The following SEC14L1 variants were observed in gnomAD, a reference collection of about 807,000 sequenced individuals.
The protein encoded by SEC14L1 is SEC14 like lipid binding 1.
SEC14L1 carries 48 observed loss-of-function variants against 85.3 expected under a neutral mutation model. The observed-to-expected ratio is 0.56, with a 90% CI of 0.45 to 0.72. SEC14L1 has a LOEUF of 0.72. SEC14L1 is among the 30% of genes least tolerant of loss of function. SEC14L1 has a pLI of 0.00. For missense variants in SEC14L1, 682 were observed against 921.4 expected (o/e 0.74, Z 3.36); for synonymous variants, 391 against 355.5 (o/e 1.10, Z -1.12).
chr17:77,210,167 G>A (rs1976676023), intron 14 of SEC14L1: 1 of 152,292 alleles, frequency 6.6e-6, no homozygotes, highest in Non-Finnish European at 1.5e-5. Context: ...TCTTGGCTGG[G>A]TTTTGGTTAT....
rs191686849 is a variant in SEC14L1, at chr17:77,098,360, G to A, written c.-136+5013G>A. 2.4e-3 allele frequency among the ~76,000 whole-genome samples: 370 copies of A among 152,134 alleles called. 8 individuals carry two copies. The highest frequency in any genetic ancestry group is 1.1e-3 in the African/African-American group (44 of 41,510). The stretch of plus-strand genomic sequence containing the variant: ...CTAAAAATACAAAAATTAGTCAGGC[G>A]TGGTGGTGCATACCTGTAATCCCAG... On this transcript the variant is annotated intron_variant, in intron 3 of 19. Transcript: ENST00000392476.
chr17:77,175,941 T>C (rs564223036), intron 3 of SEC14L1, among the ~76,000 whole-genome samples: 1 of 152,160 alleles, frequency 6.6e-6, no homozygotes, highest in South Asian at 2.1e-4. Context: ...TTTGTGAGTA[T>C]GCAAAAAAGG....
chr17:77,200,639 T>C lies in SEC14L1; in HGVS notation c.975T>C (p.Asp325=). The change falls in exon 9 of 17, where the codon GAT becomes GAC. Residue 325 remains aspartate (D), a synonymous_variant. Coordinates refer to ENST00000436233, the MANE Select transcript of SEC14L1 (RefSeq NM_001143998.2). Reference sequence around the variant, plus strand: ...GGACCCCTCCTCAGGTCCTTCAGGATTACTACGCGGGAGGCTGGCATCATC... The same window carrying C: ...GGACCCCTCCTCAGGTCCTTCAGGACTACTACGCGGGAGGCTGGCATCATC... ...ETWTPPQVLQ[D]YYAGGWHHHD... is the part of the protein sequence containing the mutation. 1 of 1,613,936 alleles carries C rather than the reference T, an allele frequency of 6.2e-7. No individual in the cohort carries two copies. The highest frequency in any genetic ancestry group is 1.1e-5 in the South Asian group (1 of 91,014).
At chr17:77,181,127 A>T (rs1275219935) in intron 3 of SEC14L1, 1 of 152,214 alleles carries the variant, frequency 6.6e-6, no homozygotes, top group Non-Finnish European at 1.5e-5. Flanking sequence ...CCAGCGTCTG[A>T]GGAAACTGAT....
intron 3 of SEC14L1, among the ~76,000 whole-genome samples, chr17:77,117,596 A>T (rs1356670770): frequency 6.6e-6 from 1 of 152,150 alleles, no homozygotes; most frequent in Non-Finnish European, 1.5e-5. Context: ...AATTTTCCCC[A>T]TGGAGTTGGC....
rs139173686 is a variant in SEC14L1, at chr17:77,110,656, G to A, written c.-136+17309G>A. ...AGCACTTTGGGAGGCTGAGGTGGGT[G>A]GATCATGAGGTCAGGAGATTGAGAC... On this transcript the variant is annotated intron_variant, in intron 3 of 19. Transcript: ENST00000392476. Among the ~76,000 whole-genome samples the A allele has an allele frequency of 3.8e-3, 583 of 151,906 alleles. 7 individuals are homozygous for A. Among genetic ancestry groups the A allele is most frequent in the African/African-American group, 0.014 (563 of 41,402 alleles).
chr17:77,189,919 C>T (rs11656875), intron 3 of SEC14L1, among the ~76,000 whole-genome samples: 3,002 of 152,310 alleles, frequency 0.02, 39 homozygotes, highest in Non-Finnish European at 0.031. Context: ...TGAGCCACCG[C>T]GCCCGGCCTT....
At chr17:77,211,806 A>G (rs1976764307) in intron 14 of SEC14L1, 144 bp from the exon 15 acceptor site, 2 of 1,019,922 alleles carry the variant, frequency 2.0e-6, no homozygotes, top group Non-Finnish European at 2.9e-6. Flanking sequence ...GACTCTGGGG[A>G]AAGAGATCCG....
At chr17:77,134,354 A>T in intron 3 of SEC14L1, among the ~76,000 whole-genome samples, 1 of 151,450 alleles carries the variant, frequency 6.6e-6, no homozygotes, top group Non-Finnish European at 1.5e-5. Context: ...GGTTCAAGTG[A>T]TCCTACTGGC....
At chr17:77,171,252 A>G (rs1598340024) in intron 3 of SEC14L1, among the ~76,000 whole-genome samples, 1 of 152,314 alleles carries the variant, frequency 6.6e-6, no homozygotes, top group South Asian at 2.1e-4. Context: ...TTGAGACAAC[A>G]TCCCTCTTAT....
intron 3 of SEC14L1, among the ~76,000 whole-genome samples, chr17:77,117,130 G>A (rs147424810): frequency 3.9e-5 from 6 of 152,120 alleles, no homozygotes; most frequent in Non-Finnish European, 5.9e-5. Context: ...GGTGGATCAC[G>A]TGAGGTCAGG....
Position 77,194,766 on chromosome 17 carries a change from C to T in SEC14L1, c.564C>T (p.Thr188=). 10 of 1,614,216 alleles carry T rather than the reference C, an allele frequency of 6.2e-6. No homozygotes were observed. The highest frequency in any genetic ancestry group is 8.5e-6 in the Non-Finnish European group (10 of 1,180,020). ...GTTGGAGTCCGCCTTCCATCACGAC[C>T]TCTTCAGAGACATCTTCATCATCCT... is the stretch of plus-strand genomic sequence containing the variant. ...VPRWSPPSIT[T]SSETSSSSSK... The change falls in exon 7 of 17, where the codon ACC becomes ACT. Residue 188 remains threonine, a synonymous_variant. Coordinates refer to ENST00000436233, the MANE Select transcript of SEC14L1 (RefSeq NM_001143998.2).
chr17:77,095,425 G>C (rs887267534), intron 3 of SEC14L1, among the ~76,000 whole-genome samples: 2 of 152,064 alleles, frequency 1.3e-5, no homozygotes, highest in Non-Finnish European at 2.9e-5. Context: ...CCACCTTCAG[G>C]GTGCCACCTT....
chr17:77,193,136 G>A (rs748353230), intron 5 of SEC14L1, among the ~76,000 whole-genome samples: 2 of 152,236 alleles, frequency 1.3e-5, no homozygotes, highest in Non-Finnish European at 1.5e-5. Context: ...TGTTCAGTGA[G>A]TATGTTGAAT....
At chr17:77,178,921 C>T (rs868664721) in intron 3 of SEC14L1, among the ~76,000 whole-genome samples, 2 of 152,164 alleles carry the variant, frequency 1.3e-5, no homozygotes, top group African/African-American at 4.8e-5. Flanking sequence ...CACAGATGGT[C>T]GCTGGATGTA....
chr17:77,175,440 A>C (rs1974710137), intron 3 of SEC14L1, among the ~76,000 whole-genome samples: 1 of 152,250 alleles, frequency 6.6e-6, no homozygotes, highest in East Asian at 1.9e-4. Context: ...ACAGTTAATT[A>C]AATCGTTACA....
At chr17:77,106,656 C>G (rs950593666) in intron 3 of SEC14L1, among the ~76,000 whole-genome samples, 2 of 151,500 alleles carry the variant, frequency 1.3e-5, no homozygotes, top group African/African-American at 4.9e-5. Flanking sequence ...CACAGCGAGA[C>G]TCCATCTCAA....
At chr17:77,175,809 G>A (rs1299599566) in intron 3 of SEC14L1, among the ~76,000 whole-genome samples, 2 of 152,122 alleles carry the variant, frequency 1.3e-5, no homozygotes, top group Non-Finnish European at 2.9e-5. Flanking sequence ...GGACAAATCA[G>A]CCTAATACAG....
intron 8 of SEC14L1, among the ~76,000 whole-genome samples, chr17:77,200,278 G>A (rs1017668913): frequency 1.3e-5 from 2 of 151,922 alleles, no homozygotes; most frequent in Admixed American, 1.3e-4. Context: ...CAAGTGATCC[G>A]CCTGCTTCAG....
Sources: gnomAD v4.1 joint callset for allele counts (sites outside exome capture counted in the v4.1 genomes callset) on GRCh38, gnomAD v4.1.1 for gene constraint, MANE v1.5 for transcripts, NCBI Gene and HGNC (gene_info 2026-07-23, HGNC 2026-07-21) for gene names.